Variants in SNX6 observed in about 807,000 individuals in gnomAD.
SNX6 encodes the protein sorting nexin-6.
SNX6 carries 34 observed loss-of-function variants against 63.0 expected under a neutral mutation model. That is an observed-to-expected ratio of 0.54 (90% CI 0.41 to 0.72). The LOEUF (loss-of-function observed/expected upper bound fraction) is 0.72, where lower values mean the gene tolerates loss of function less well. Ranked by LOEUF, SNX6 falls within the 30% of genes least tolerant of loss-of-function variation. SNX6 has a pLI of 0.00. For synonymous variants in SNX6, 170 were observed against 164.2 expected, an observed-to-expected ratio of 1.04 and a Z score of -0.27; for missense variants, 398 against 471.4, an observed-to-expected ratio of 0.84 and a Z score of 1.44.
intron 2 of SNX6, among the ~76,000 whole-genome samples, chr14:34,623,478 C>T (rs549619312): frequency 1.3e-5 from 2 of 152,228 alleles, no homozygotes; most frequent in South Asian, 2.1e-4. Flanking sequence ...TTTTCACTAA[C>T]GTGCTATATG....
chr14:34,603,249 G>A (rs888197522), intron 6 of SNX6, 99 bp downstream of exon 6: 8 of 1,197,814 alleles, frequency 6.7e-6, no homozygotes, highest in Non-Finnish European at 7.9e-6. Flanking sequence ...CTATGCCACT[G>A]TACTCCAGCC....
chr14:34,616,828 T>C (rs1329204763), intron 2 of SNX6, among the ~76,000 whole-genome samples: 3 of 152,118 alleles, frequency 2.0e-5, no homozygotes, highest in Non-Finnish European at 2.9e-5. Context: ...ATCCCAGCAC[T>C]TTGGGAGGCC....
chr14:34,579,710 G>A (rs192916599), intron 10 of SNX6, among the ~76,000 whole-genome samples: 136 of 151,606 alleles, frequency 9.0e-4, no homozygotes, highest in African/African-American at 3.0e-3. Flanking sequence ...AATATAAGCC[G>A]GGCTCAGTGG....
intron 2 of SNX6, among the ~76,000 whole-genome samples, chr14:34,621,706 TC>T (rs1357739975): frequency 6.6e-6 from 1 of 152,170 alleles, no homozygotes; most frequent in Non-Finnish European, 1.5e-5. Context: ...TTTCTCCTTC[TC>T]CCTTGCCCAG....
chr14:34,593,145 T>A lies in SNX6; in HGVS notation c.618A>T (p.Val206=). The A allele has an allele frequency of 6.3e-7, 1 of 1,583,386 alleles. No homozygotes were observed. The highest frequency in any genetic ancestry group is 1.2e-5 in the South Asian group (1 of 86,100). ...DGVIVSGVKD[V]DDFFEHERTF... is the part of the protein sequence containing the mutation. ...TTCGTTCGTGCTCAAAGAAATCATC[T>A]ACATCCTATAAGATCAAAAGAAAAT... Residue 206 remains valine, a synonymous_variant, in exon 8 of 14, where the codon GTA becomes GTT. Coordinates refer to ENST00000362031, the MANE Select transcript of SNX6 (RefSeq NM_152233.4).
At chr14:34,612,196 CT>C in intron 2 of SNX6, among the ~76,000 whole-genome samples, 1 of 152,160 alleles carries the variant, frequency 6.6e-6, no homozygotes, top group Non-Finnish European at 1.5e-5. Flanking sequence ...TCACCTTGGC[CT>C]CCCAAAGTGC....
Position 34,592,500 on chromosome 14 carries a change from C to T in SNX6, c.718+545G>A, listed in dbSNP as rs148675937. ...ACGCAGCAGCAACTTTATCCATCAT[C>T]GGTGTAAATGTCAACATGGTGAAAA... is the stretch of plus-strand genomic sequence containing the variant. On this transcript the variant is annotated intron_variant, in intron 8 of 13. Coordinates refer to ENST00000362031, the MANE Select transcript of SNX6 (RefSeq NM_152233.4). Among the ~76,000 whole-genome samples the T allele has an allele frequency of 1.6e-3, 241 of 152,284 alleles. 1 individual carries two copies. The highest frequency in any genetic ancestry group is 5.1e-3 in the African/African-American group (213 of 41,588).
chr14:34,592,468 T>C (rs1354799212), intron 8 of SNX6, among the ~76,000 whole-genome samples: 2 of 152,174 alleles, frequency 1.3e-5, no homozygotes, highest in Non-Finnish European at 2.9e-5. Context: ...TTGATTTGTA[T>C]GTAATTACGC....
chr14:34,581,994 A>C (rs1364558137), intron 9 of SNX6, among the ~76,000 whole-genome samples: 2 of 151,720 alleles, frequency 1.3e-5, no homozygotes, highest in African/African-American at 4.8e-5. Flanking sequence ...ACGCCTAGCT[A>C]ATTTTTGTAT....
In SNX6 at chr14:34,592,072, TAAGTGA is replaced by T. The variant is rs1882415097; in HGVS notation, c.718+967_718+972del. Among the ~76,000 whole-genome samples, 5 of 152,294 alleles carry T rather than the reference TAAGTGA, an allele frequency of 3.3e-5. No homozygotes were observed. In the East Asian group the frequency reaches 7.7e-4, roughly 24 times the overall value. On this transcript the variant is annotated intron_variant, in intron 8 of 13. Coordinates refer to ENST00000362031, the MANE Select transcript of SNX6 (RefSeq NM_152233.4). ...TTTACTGTTTCATCAAGGGCATTCT[TAAGTGA>T]AAGTCACATGTCTTAAAAATTGCAA...
chr14:34,578,936 TCAA>T (rs1443125579), intron 10 of SNX6, among the ~76,000 whole-genome samples: 1 of 3,116 alleles, frequency 3.2e-4, no homozygotes, highest in Non-Finnish European at 1.4e-3. Flanking sequence ...AGACTTCATC[TCAA>T]AAAAAAAAAA....
intron 6 of SNX6, among the ~76,000 whole-genome samples, chr14:34,600,284 C>T (rs555866967): frequency 6.6e-6 from 1 of 152,228 alleles, no homozygotes; most frequent in African/African-American, 2.4e-5. Flanking sequence ...GCCACCACGT[C>T]CAGCTTATGT....
Position 34,567,964 on chromosome 14 carries a change from T to C in SNX6, c.971A>G (p.Asn324Ser), listed in dbSNP as rs778943998. 10 of 1,612,470 alleles carry C rather than the reference T, an allele frequency of 6.2e-6. No individual in the cohort carries two copies. The highest frequency in any genetic ancestry group is 8.5e-6 in the Non-Finnish European group (10 of 1,179,994). Residue 324 changes from asparagine (N) to serine (S), a missense_variant, in exon 12 of 14, where the codon AAT becomes AGT. Physicochemically the swap from Asn to Ser is conservative, Grantham distance 46 (BLOSUM62 1). Coordinates refer to ENST00000362031, the MANE Select transcript of SNX6 (RefSeq NM_152233.4). The stretch of plus-strand genomic sequence containing the variant: ...TGCTCTTGCTTTATCCAGTGCTTTA[T>C]TAGCATTTTCATAATCCACTAGTGA... The part of the protein sequence containing the change: ...SRSLVDYENA[N>S]KALDKARAKN...
chr14:34,578,991 C>T (rs1358128257), intron 10 of SNX6, among the ~76,000 whole-genome samples: 4 of 120,372 alleles, frequency 3.3e-5, no homozygotes, highest in Non-Finnish European at 7.4e-5. Flanking sequence ...AACTATACAC[C>T]TACCAGAATG....
intron 10 of SNX6, among the ~76,000 whole-genome samples, chr14:34,577,005 G>A (rs559981863): frequency 6.6e-6 from 1 of 151,956 alleles, no homozygotes; most frequent in Admixed American, 6.6e-5. Context: ...AGCCAAGATT[G>A]AGCCACTACA....
intron 2 of SNX6, among the ~76,000 whole-genome samples, chr14:34,612,187 C>T (rs1383551969): frequency 6.6e-6 from 1 of 152,136 alleles, no homozygotes; most frequent in Non-Finnish European, 1.5e-5. Context: ...GCAATCCTTT[C>T]ACCTTGGCCT....
At position 34,593,042 on chromosome 14, in the gene SNX6, T is replaced by C; in HGVS notation, c.718+3A>G. 6.4e-7 allele frequency: 1 copy of C among 1,570,580 alleles called. No individual in the cohort carries two copies. The highest frequency in any genetic ancestry group is 1.7e-4 in the Middle Eastern group (1 of 5,978). On this transcript the variant is annotated splice_donor_region_variant and intron_variant, in intron 8 of 13. Coordinates refer to ENST00000362031, the MANE Select transcript of SNX6 (RefSeq NM_152233.4). ...ATAAGCTTTAGCCACAGAAAAATCT[T>C]ACTTTTGTGGGATCTTGTCATTCTA...
chr14:34,564,021 G>A (rs533402692), intron 13 of SNX6, among the ~76,000 whole-genome samples: 24 of 152,218 alleles, frequency 1.6e-4, no homozygotes, highest in African/African-American at 5.3e-4. Context: ...TTACAGGCGT[G>A]AGCCACTGCG....
intron 2 of SNX6, among the ~76,000 whole-genome samples, chr14:34,618,814 A>G (rs1883520041): frequency 6.6e-6 from 1 of 151,936 alleles, no homozygotes; most frequent in African/African-American, 2.4e-5. Context: ...CCCTATCTAA[A>G]AGTGCAGCTC....
Sources: allele counts gnomAD v4.1 joint callset (sites outside exome capture counted in the v4.1 genomes callset), GRCh38; gene constraint gnomAD v4.1.1; transcripts MANE v1.5; gene names NCBI Gene and HGNC (gene_info 2026-07-23, HGNC 2026-07-21).